SLC35F1: variants seen among roughly 807,000 people sequenced by gnomAD.
SLC35F1 encodes the protein chromosome 6 open reading frame 169.
SLC35F1 carries 14 observed loss-of-function variants against 48.7 expected under a neutral mutation model. That is an observed-to-expected ratio of 0.29 (90% CI 0.19 to 0.45). The LOEUF (loss-of-function observed/expected upper bound fraction) is 0.45, where lower values mean the gene tolerates loss of function less well. SLC35F1 is among the 20% of genes least tolerant of loss of function. The pLI, the probability that SLC35F1 is intolerant of heterozygous loss-of-function variation, is 1.00. For missense variants in SLC35F1, 404 were observed against 500.0 expected, an observed-to-expected ratio of 0.81 and a Z score of 1.83; for synonymous variants, 190 against 202.2, an observed-to-expected ratio of 0.94 and a Z score of 0.51.
At chr6:117,966,172 A>G (rs1358960061) in intron 1 of SLC35F1, among the ~76,000 whole-genome samples, 1 of 128,984 alleles carries the variant, frequency 7.8e-6, no homozygotes, top group African/African-American at 3.0e-5. Context: ...CAGCAGCGGT[A>G]CCCTGCTGGG....
chr6:117,971,779 G>T (rs2114843486), intron 1 of SLC35F1, among the ~76,000 whole-genome samples: 1 of 152,368 alleles, frequency 6.6e-6, no homozygotes, highest in East Asian at 1.9e-4. Flanking sequence ...AGCTATAGCA[G>T]CTGGGACACA....
chr6:118,117,805 G>A (rs1773494159), intron 1 of SLC35F1, among the ~76,000 whole-genome samples: 1 of 152,108 alleles, frequency 6.6e-6, no homozygotes, highest in East Asian at 1.9e-4. Flanking sequence ...ACCTTTTCTA[G>A]AATGTTATAT....
intron 2 of SLC35F1, among the ~76,000 whole-genome samples, chr6:118,194,508 C>T (rs1774774522): frequency 6.6e-6 from 1 of 151,918 alleles, no homozygotes; most frequent in African/African-American, 2.4e-5. Flanking sequence ...AAATTTATAA[C>T]AGACCAGCTT....
intron 2 of SLC35F1, among the ~76,000 whole-genome samples, chr6:118,233,971 C>A (rs1395532998): frequency 6.6e-6 from 1 of 152,180 alleles, no homozygotes; most frequent in African/African-American, 2.4e-5. Context: ...CATGCTTTGA[C>A]AGTCTGTATG....
chr6:118,296,259 A>G (rs1195528085), intron 7 of SLC35F1, among the ~76,000 whole-genome samples: 1 of 152,206 alleles, frequency 6.6e-6, no homozygotes, highest in Admixed American at 6.5e-5. Flanking sequence ...CAAAATAGTT[A>G]CTACTGTCTA....
intron 1 of SLC35F1, chr6:117,999,564 G>A (rs1360711790): frequency 3.8e-5 from 19 of 500,128 alleles, no homozygotes; most frequent in Non-Finnish European, 5.7e-5. Context: ...TAAACCTGAG[G>A]CAGGAAAAAA....
chr6:117,929,516 T>C (rs980999319), intron 1 of SLC35F1, among the ~76,000 whole-genome samples: 1 of 146,580 alleles, frequency 6.8e-6, no homozygotes, highest in African/African-American at 2.5e-5. Context: ...GAGAGAGAGA[T>C]TGATTTACTT....
chr6:118,004,972 A>G (rs924777823), intron 1 of SLC35F1, among the ~76,000 whole-genome samples: 4 of 152,046 alleles, frequency 2.6e-5, no homozygotes, highest in South Asian at 4.1e-4. Context: ...ATAAAAACAC[A>G]TGCCTACAAC....
intron 4 of SLC35F1, among the ~76,000 whole-genome samples, chr6:118,270,374 A>G (rs961294162): frequency 6.6e-6 from 1 of 152,186 alleles, no homozygotes; most frequent in African/African-American, 2.4e-5. Context: ...TGTGCCAGGA[A>G]TAGGGCTTTT....
In SLC35F1 at chr6:118,029,447, T is replaced by C. The variant is rs761181789; in HGVS notation, c.173+121548T>C. ...TTGCTAGAATTGTTCTATTTTATTA[T>C]AAGTTATTGTTGTTAATCTCTTACT... On this transcript the variant is annotated intron_variant, in intron 1 of 7. Transcript: ENST00000360388. 1.3e-5 allele frequency among the ~76,000 whole-genome samples: 2 copies of C among 152,234 alleles called. 1 individual carries two copies. Among genetic ancestry groups the C allele is most frequent in the Non-Finnish European group, 2.9e-5 (2 of 68,032 alleles).
chr6:118,293,352 CT>C, intron 7 of SLC35F1, among the ~76,000 whole-genome samples: 1 of 152,084 alleles, frequency 6.6e-6, no homozygotes, highest in East Asian at 1.9e-4. Flanking sequence ...TAGAGGCCAC[CT>C]GTATTTCTTG....
intron 2 of SLC35F1, among the ~76,000 whole-genome samples, chr6:118,173,042 G>T (rs1774429875): frequency 6.6e-6 from 1 of 152,110 alleles, no homozygotes; most frequent in Admixed American, 6.6e-5. Flanking sequence ...GAAAGGAAAA[G>T]ATAATGAGAA....
At position 118,303,010 on chromosome 6, in the gene SLC35F1, T is replaced by A. The variant is rs1776272531; in HGVS notation, c.1003-11018T>A. Among the ~76,000 whole-genome samples the A allele has an allele frequency of 2.6e-5, 4 of 151,686 alleles. No individual in the cohort carries two copies. In the South Asian group the frequency reaches 8.3e-4, roughly 31 times the overall value. On this transcript the variant is annotated intron_variant, in intron 7 of 7. Coordinates refer to ENST00000360388, the MANE Select transcript of SLC35F1 (RefSeq NM_001029858.4). Reference sequence around the variant, plus strand: ...AAAAAAAAACATTAAACCCATAATATGATTTCTTTTTTGACAGCTGCCATT... The same window carrying A: ...AAAAAAAAACATTAAACCCATAATAAGATTTCTTTTTTGACAGCTGCCATT...
chr6:118,175,257 A>C (rs1774470785), intron 2 of SLC35F1, among the ~76,000 whole-genome samples: 1 of 152,156 alleles, frequency 6.6e-6, no homozygotes, highest in Non-Finnish European at 1.5e-5. Context: ...CAAATTGGCA[A>C]ATTAGCAATT....
chr6:118,249,553 A>C (rs1469853771), intron 3 of SLC35F1, among the ~76,000 whole-genome samples: 1 of 152,172 alleles, frequency 6.6e-6, no homozygotes, highest in Non-Finnish European at 1.5e-5. Flanking sequence ...AAGAAAAAGA[A>C]AAACTATGCA....
intron 1 of SLC35F1, among the ~76,000 whole-genome samples, chr6:117,971,433 G>A (rs1582593072): frequency 6.6e-6 from 1 of 152,226 alleles, no homozygotes; most frequent in Admixed American, 6.5e-5. Context: ...CTGGATCACA[G>A]TTCTGGCATC....
intron 2 of SLC35F1, among the ~76,000 whole-genome samples, chr6:118,202,364 G>T (rs547020731): frequency 2.4e-4 from 37 of 152,250 alleles, no homozygotes; most frequent in African/African-American, 7.9e-4. Flanking sequence ...AGGCATGGTG[G>T]CACACGCCTG....
At chr6:118,008,615 C>A (rs929187644) in intron 1 of SLC35F1, among the ~76,000 whole-genome samples, 2 of 152,064 alleles carry the variant, frequency 1.3e-5, no homozygotes, top group Admixed American at 6.6e-5. Context: ...CTGAAATAGC[C>A]CAAGAATGAA....
At chr6:118,016,650 G>T (rs1467272223) in intron 1 of SLC35F1, among the ~76,000 whole-genome samples, 3 of 152,156 alleles carry the variant, frequency 2.0e-5, no homozygotes, top group Non-Finnish European at 4.4e-5. Flanking sequence ...CCAAGCTACT[G>T]TGTGAATATG....
Sources: gnomAD v4.1 joint callset for allele counts (sites outside exome capture counted in the v4.1 genomes callset) on GRCh38, gnomAD v4.1.1 for gene constraint, MANE v1.5 for transcripts, NCBI Gene and HGNC (gene_info 2026-07-23, HGNC 2026-07-21) for gene names.